The following PRKAR1B variants were observed in gnomAD, a reference collection of about 807,000 sequenced individuals.
PRKAR1B encodes protein kinase cAMP-dependent type I regulatory subunit beta.
PRKAR1B carries 22 observed loss-of-function variants against 46.5 expected under a neutral mutation model. The observed-to-expected ratio is 0.47, with a 90% CI of 0.34 to 0.68. The LOEUF (loss-of-function observed/expected upper bound fraction) is 0.68. PRKAR1B is among the 30% of genes least tolerant of loss of function. The pLI, the probability that PRKAR1B is intolerant of heterozygous loss-of-function variation, is 0.01. For synonymous variants in PRKAR1B, 259 were observed against 217.7 expected (o/e 1.19, Z -1.67); for missense variants, 445 against 535.6 (o/e 0.83, Z 1.67).
At chr7:710,305 G>A (rs1780549146) in intron 2 of PRKAR1B, among the ~76,000 whole-genome samples, 2 of 152,182 alleles carry the variant, frequency 1.3e-5, no homozygotes, top group Non-Finnish European at 2.9e-5. Flanking sequence ...ACCAAGAGGA[G>A]AAACATTAGG....
At chr7:601,747 C>T (rs1437251283) in intron 6 of PRKAR1B, among the ~76,000 whole-genome samples, 2 of 152,214 alleles carry the variant, frequency 1.3e-5, no homozygotes, top group African/African-American at 2.4e-5. Context: ...AAGTCACAGC[C>T]GGTTCCCGCA....
chr7:583,823 C>T (rs1475338747), intron 8 of PRKAR1B, among the ~76,000 whole-genome samples: 1 of 152,116 alleles, frequency 6.6e-6, no homozygotes, highest in Non-Finnish European at 1.5e-5. Context: ...CACACACACG[C>T]ACACACACCC....
chr7:718,310 A>G (rs1440630581), intron 1 of PRKAR1B, among the ~76,000 whole-genome samples: 4 of 148,078 alleles, frequency 2.7e-5, no homozygotes, highest in Non-Finnish European at 5.9e-5. Flanking sequence ...ACATATATAC[A>G]TACATATATA....
chr7:725,106 T>A (rs1781207283), intron 1 of PRKAR1B, among the ~76,000 whole-genome samples: 1 of 149,796 alleles, frequency 6.7e-6, no homozygotes, highest in Admixed American at 6.7e-5. Context: ...CCCAGCTACT[T>A]GGGAGGCTGA....
Position 685,289 on chromosome 7 carries a change from TGTATAC to T in PRKAR1B, c.178-4569_178-4564del, listed in dbSNP as rs1455299947. Among the ~76,000 whole-genome samples, 7 of 12,192 alleles carry T rather than the reference TGTATAC, an allele frequency of 5.7e-4. 1 individual carries two copies. The East Asian group carries it at 8.2e-3, about 14-fold the overall frequency. 8.0% of individuals were successfully genotyped at this position (12,192 alleles called of 152,430 possible). On this transcript the variant is annotated intron_variant, in intron 2 of 10. Coordinates refer to ENST00000537384, the MANE Select transcript of PRKAR1B (RefSeq NM_001164760.2). ...ATATACGTATATATACGTATATATA[TGTATAC>T]ATATATATATACGTATATATACGTA...
At chr7:559,267 C>T (rs1480059839) in intron 9 of PRKAR1B, among the ~76,000 whole-genome samples, 1 of 152,176 alleles carries the variant, frequency 6.6e-6, no homozygotes, top group East Asian at 1.9e-4. Flanking sequence ...CAGCCACCAG[C>T]AAAGTGGCCT....
chr7:588,740 A>AGTGGTG lies in PRKAR1B; in HGVS notation c.709-4178_709-4173dup, dbSNP rs1321896427. Among the ~76,000 whole-genome samples, 3 of 4,514 alleles carry AGTGGTG rather than the reference A, an allele frequency of 6.6e-4. 1 individual carries two copies. The highest frequency in any genetic ancestry group is 2.1e-3 in the African/African-American group (3 of 1,416). The allele number at this position is 4,514 out of a possible 152,430, so 3.0% of individuals were successfully genotyped here. On this transcript the variant is annotated intron_variant, in intron 7 of 10. Coordinates refer to ENST00000537384, the MANE Select transcript of PRKAR1B (RefSeq NM_001164760.2). ...TGGTGATGGTGGTGAGGATAGTGAC[A>AGTGGTG]GTGGTGATGGTGATGGTGATGGTGG...
chr7:563,901 A>G lies in PRKAR1B; in HGVS notation c.892-12431T>C, dbSNP rs113515048. Among the ~76,000 whole-genome samples, 922 of 151,874 alleles carry G rather than the reference A, an allele frequency of 6.1e-3. 11 individuals are homozygous for G. The highest frequency in any genetic ancestry group is 0.021 in the African/African-American group (881 of 41,372). ...TGGGTGTGTATATGTGCATGTGTGC[A>G]CACGTGTGCATGGGTGAGTATGTGC... is the stretch of plus-strand genomic sequence containing the variant. On this transcript the variant is annotated intron_variant, in intron 9 of 10. Transcript: ENST00000537384.
rs1784101036 is a variant in PRKAR1B at position 550,325 on chromosome 7, C to A, written c.*105G>T. The A allele has an allele frequency of 2.9e-6, 3 of 1,048,942 alleles. No individual in the cohort carries two copies. Among genetic ancestry groups the A allele is most frequent in the Admixed American group, 4.6e-5 (2 of 43,750 alleles). 65.0% of individuals were successfully genotyped at this position (1,048,942 alleles called of 1,614,324 possible). A position where few individuals can be genotyped will look rare whatever the true frequency, so the allele number is the denominator to read the frequency against. On this transcript the variant is annotated 3_prime_UTR_variant, in exon 11 of 11. Coordinates refer to ENST00000537384, the MANE Select transcript of PRKAR1B (RefSeq NM_001164760.2). ...AGTCCTCACGCTGCCGGGACCCAGC[C>A]CCACCCGGCCCACACCTCACACAGC... is the stretch of plus-strand genomic sequence containing the variant.
At chr7:576,694 G>A (rs577135429) in intron 9 of PRKAR1B, among the ~76,000 whole-genome samples, 67 of 150,854 alleles carry the variant, frequency 4.4e-4, no homozygotes, top group African/African-American at 1.6e-3. Context: ...TGCCCCAGCC[G>A]GCCTGGTGCC....
Position 666,739 on chromosome 7 carries a change from G to A in PRKAR1B, c.440+10490C>T, listed in dbSNP as rs1562600848. ...CGGAGCGGCCTATTCACCAACTCAG[G>A]CCCAGGGTGGAGCAGAGAATGACTC... On this transcript the variant is annotated intron_variant, in intron 4 of 10. Transcript: ENST00000537384. The surrounding 1 kb of genome is among the most constrained non-coding windows in gnomAD (Gnocchi z 4.9). 6.6e-6 allele frequency among the ~76,000 whole-genome samples: 1 copy of A among 152,194 alleles called. No homozygotes were observed. Among genetic ancestry groups the A allele is most frequent in the Non-Finnish European group, 1.5e-5 (1 of 68,032 alleles).
intron 1 of PRKAR1B, among the ~76,000 whole-genome samples, chr7:721,084 G>A (rs754984079): frequency 2.8e-4 from 43 of 152,054 alleles, no homozygotes; most frequent in Admixed American, 1.2e-3. Context: ...GCAACCCATC[G>A]GTCTATCGGC....
chr7:562,372 G>A (rs1171567603), intron 9 of PRKAR1B, among the ~76,000 whole-genome samples: 1 of 152,130 alleles, frequency 6.6e-6, no homozygotes, highest in Non-Finnish European at 1.5e-5. Context: ...GGGCCCTGTC[G>A]CCTCCAGCTC....
intron 9 of PRKAR1B, among the ~76,000 whole-genome samples, chr7:578,514 G>C (rs938109733): frequency 6.6e-6 from 1 of 152,122 alleles, no homozygotes; most frequent in Non-Finnish European, 1.5e-5. Flanking sequence ...GAGAGATCCT[G>C]CGTACCCTGA....
At chr7:686,714 G>A (rs1189527603) in intron 2 of PRKAR1B, among the ~76,000 whole-genome samples, 4 of 152,080 alleles carry the variant, frequency 2.6e-5, no homozygotes, top group African/African-American at 9.7e-5. Context: ...GAAAGCATCA[G>A]AGAGCTACCA....
chr7:653,399 GA>G (rs1785017216), intron 4 of PRKAR1B, among the ~76,000 whole-genome samples: 1 of 152,200 alleles, frequency 6.6e-6, no homozygotes, highest in East Asian at 1.9e-4. Context: ...CGTTCAGAAG[GA>G]AAGTGAGGGC....
At chr7:711,223 G>C in intron 2 of PRKAR1B, 106 bp downstream of exon 2, 1 of 1,451,460 alleles carries the variant, frequency 6.9e-7, no homozygotes, top group Non-Finnish European at 9.4e-7. Context: ...AGTCTCTGGG[G>C]CACCCAGCCT....
intron 9 of PRKAR1B, among the ~76,000 whole-genome samples, chr7:575,590 G>C (rs888445776): frequency 6.6e-6 from 1 of 152,142 alleles, no homozygotes; most frequent in Admixed American, 6.5e-5. Context: ...CTGTTGCCCA[G>C]GCTGGAGTGC....
chr7:723,354 T>C (rs2128535970), intron 1 of PRKAR1B, among the ~76,000 whole-genome samples: 1 of 152,238 alleles, frequency 6.6e-6, no homozygotes, highest in South Asian at 2.1e-4. Context: ...AGAATTTCTG[T>C]CTGTGCCTGT....
Sources: gnomAD v4.1 joint callset for allele counts (sites outside exome capture counted in the v4.1 genomes callset) on GRCh38, gnomAD v4.1.1 for gene constraint, Gnocchi (gnomAD v3.1) non-coding constraint, MANE v1.5 for transcripts, NCBI Gene and HGNC (gene_info 2026-07-23, HGNC 2026-07-21) for gene names.